Variants in ARHGEF11 observed in about 807,000 individuals in gnomAD.
ARHGEF11 encodes Rho guanine nucleotide exchange factor 11, also known as Rho guanine exchange factor (GEF) 11.
ARHGEF11 carries 55 observed loss-of-function variants against 193.7 expected under a neutral mutation model. The observed-to-expected ratio is 0.28, with a 90% CI of 0.23 to 0.36. The LOEUF (loss-of-function observed/expected upper bound fraction) is 0.36. ARHGEF11 is among the 10% of genes least tolerant of loss of function. ARHGEF11 has a pLI of 1.00. For synonymous variants in ARHGEF11, 693 were observed against 768.0 expected, an observed-to-expected ratio of 0.90 and a Z score of 1.62; for missense variants, 1,723 against 2,005.6, an observed-to-expected ratio of 0.86 and a Z score of 2.69.
In ARHGEF11 at chr1:156,948,935, G is replaced by A. The variant is rs145769889; in HGVS notation, c.1926-437C>T. 4.6e-4 allele frequency: 450 copies of A among 985,402 alleles called. No homozygotes were observed. The Middle Eastern group carries it at 8.4e-3, about 18-fold the overall frequency. 61.0% of individuals were successfully genotyped at this position (985,402 alleles called of 1,614,324 possible). A position where few individuals can be genotyped will look rare whatever the true frequency, so the allele number is the denominator to read the frequency against. The stretch of plus-strand genomic sequence containing the variant: ...GTTCACGTTGCCTCTGCTTTGGAAC[G>A]GGTCAGCTCCCACCTTTAACTCTGC... On this transcript the variant is annotated intron_variant, in intron 22 of 40. Transcript: ENST00000368194. The surrounding 1 kb of genome is among the most constrained non-coding windows in gnomAD (Gnocchi z 4.2).
In ARHGEF11 at chr1:156,947,814, C is replaced by T. The variant is rs141876285; in HGVS notation, c.2296G>A (p.Ala766Thr). Residue 766 changes from alanine (A) to threonine (T), a missense_variant, in exon 25 of 41, where the codon GCT becomes ACT. Physicochemically the swap from Ala to Thr is moderately conservative, Grantham distance 58. This residue lies in a region of ARHGEF11 where 491 missense variants were observed against 654.5 expected (regional missense o/e 0.75). Coordinates refer to ENST00000368194, the MANE Select transcript of ARHGEF11 (RefSeq NM_198236.3). ...WQHTVGKDVV[A>T]GLTQREIDRQ... ...TCAATCTCCCGCTGGGTTAGCCCAG[C>T]CACCACATCCTTGCCCACTGTATGC... 6.2e-7 allele frequency: 1 copy of T among 1,613,742 alleles called. No homozygotes were observed. The highest frequency in any genetic ancestry group is 8.5e-7 in the Non-Finnish European group (1 of 1,179,994).
At chr1:156,947,110 C>T in intron 26 of ARHGEF11, 95 bp from the exon 27 acceptor site, 2 of 1,532,040 alleles carry the variant, frequency 1.3e-6, no homozygotes, top group East Asian at 4.5e-5. Flanking sequence ...ACAGCAGTGC[C>T]ATGGGAAGGG....
intron 1 of ARHGEF11, among the ~76,000 whole-genome samples, chr1:157,012,770 A>G (rs1457524477): frequency 2.0e-5 from 3 of 152,224 alleles, no homozygotes; most frequent in Non-Finnish European, 4.4e-5. Flanking sequence ...GCTGTTGAGT[A>G]TTGAAAAACA....
chr1:156,974,842 T>C (rs147540057), intron 7 of ARHGEF11, among the ~76,000 whole-genome samples: 1 of 152,238 alleles, frequency 6.6e-6, no homozygotes. Flanking sequence ...TTATTAGTAC[T>C]TCTTTCTTTT....
intron 1 of ARHGEF11, among the ~76,000 whole-genome samples, chr1:157,010,702 T>C (rs1007570674): frequency 4.6e-5 from 7 of 152,144 alleles, no homozygotes; most frequent in Non-Finnish European, 7.3e-5. Flanking sequence ...GCCACCATAC[T>C]TGGACTGAAA....
chr1:157,037,264 T>TCAGCAA (rs1672160104), intron 1 of ARHGEF11, among the ~76,000 whole-genome samples: 1 of 152,220 alleles, frequency 6.6e-6, no homozygotes, highest in Non-Finnish European at 1.5e-5. Context: ...TCGTTATCTT[T>TCAGCAA]TCCTAAGATT....
At chr1:157,015,875 C>A (rs1669162009) in intron 1 of ARHGEF11, among the ~76,000 whole-genome samples, 1 of 152,194 alleles carries the variant, frequency 6.6e-6, no homozygotes. Flanking sequence ...CACCAGGTGC[C>A]AGTCACTTTG....
chr1:156,963,916 C>A, intron 11 of ARHGEF11: 1 of 439,844 alleles, frequency 2.3e-6, no homozygotes, highest in Non-Finnish European at 3.6e-6. Flanking sequence ...AAAATAAGAG[C>A]CAACAGCTCC....
At chr1:156,962,382 T>C (rs1661011525) in intron 13 of ARHGEF11, among the ~76,000 whole-genome samples, 1 of 152,232 alleles carries the variant, frequency 6.6e-6, no homozygotes, top group East Asian at 1.9e-4. Flanking sequence ...TGCCCTCCCG[T>C]TCTAAGCAGT....
At chr1:157,030,597 C>G (rs1671179844) in intron 1 of ARHGEF11, among the ~76,000 whole-genome samples, 1 of 151,954 alleles carries the variant, frequency 6.6e-6, no homozygotes, top group Non-Finnish European at 1.5e-5. Context: ...GTCTGGCTCC[C>G]TTAAGAATTA....
chr1:157,013,818 T>C (rs191504829), intron 1 of ARHGEF11, among the ~76,000 whole-genome samples: 7 of 152,318 alleles, frequency 4.6e-5, no homozygotes, highest in Admixed American at 3.9e-4. Flanking sequence ...CCCTGGTATT[T>C]TCCTCCCAGG....
At chr1:156,964,169 C>T (rs1661379480) in intron 11 of ARHGEF11, among the ~76,000 whole-genome samples, 1 of 152,166 alleles carries the variant, frequency 6.6e-6, no homozygotes, top group South Asian at 2.1e-4. Context: ...TTTGCCCGCT[C>T]AAGAATCTGT....
chr1:157,034,371 G>A (rs757643834), intron 1 of ARHGEF11, among the ~76,000 whole-genome samples: 33 of 152,216 alleles, frequency 2.2e-4, no homozygotes, highest in Non-Finnish European at 4.3e-4. Flanking sequence ...TCAGACTCCT[G>A]CAGGGAAAGG....
At chr1:156,939,040 T>C (rs1245004115) in intron 37 of ARHGEF11, 1 of 201,530 alleles carries the variant, frequency 5.0e-6, no homozygotes, top group Non-Finnish European at 9.9e-6. Flanking sequence ...ACTCCCCACA[T>C]CCCTCACTCG....
intron 1 of ARHGEF11, among the ~76,000 whole-genome samples, chr1:157,015,610 GA>G: frequency 6.6e-6 from 1 of 152,324 alleles, no homozygotes; most frequent in African/African-American, 2.4e-5. Flanking sequence ...TTTGCAGCCT[GA>G]AGGTCTACTG....
At chr1:157,011,984 T>C (rs955072075) in intron 1 of ARHGEF11, among the ~76,000 whole-genome samples, 8 of 152,174 alleles carry the variant, frequency 5.3e-5, no homozygotes, top group African/African-American at 1.4e-4. Context: ...CCTAGGTATA[T>C]ACCCAAGAGA....
intron 1 of ARHGEF11, among the ~76,000 whole-genome samples, chr1:157,036,126 AAAAT>A (rs200855157): frequency 0.012 from 1,699 of 144,478 alleles, 36 homozygotes; most frequent in African/African-American, 0.041. Flanking sequence ...TATATATATG[AAAAT>A]ATATATATGA....
At chr1:156,947,981 T>C in intron 24 of ARHGEF11, 25 bp from the exon 25 acceptor site, 1 of 1,608,318 alleles carries the variant, frequency 6.2e-7, no homozygotes, top group Non-Finnish European at 8.5e-7. Context: ...GCAGCTCAGC[T>C]TCATTTAGGA....
chr1:157,008,622 T>A (rs1475168054), intron 1 of ARHGEF11, among the ~76,000 whole-genome samples: 1 of 152,194 alleles, frequency 6.6e-6, no homozygotes. Flanking sequence ...AGACTTTAAT[T>A]GGATTTTCCC....
Sources: gnomAD v4.1 joint callset for allele counts (sites outside exome capture counted in the v4.1 genomes callset) on GRCh38, gnomAD v4.1.1 for gene constraint, gnomAD v4.1.1 regional missense constraint, Gnocchi (gnomAD v3.1) non-coding constraint, MANE v1.5 for transcripts, NCBI Gene and HGNC (gene_info 2026-07-23, HGNC 2026-07-21) for gene names.